The following CTNNA2 variants were observed in gnomAD, a reference collection of about 807,000 sequenced individuals.
CTNNA2 encodes catenin alpha-2.
CTNNA2 carries 42 observed loss-of-function variants against 101.0 expected under a neutral mutation model. That is an observed-to-expected ratio of 0.42 (90% CI 0.32 to 0.54). The LOEUF (loss-of-function observed/expected upper bound fraction) is 0.54, where lower values mean the gene tolerates loss of function less well. Among genes scored for constraint, CTNNA2 ranks in the 20% least tolerant of loss-of-function variants. The pLI is 0.14. For synonymous variants in CTNNA2, 450 were observed against 456.4 expected (o/e 0.99, Z 0.18); for missense variants, 871 against 1,223.1 (o/e 0.71, Z 4.29).
At chr2:79,207,780 C>G (rs1293216962) in intron 2 of CTNNA2, among the ~76,000 whole-genome samples, 2 of 152,112 alleles carry the variant, frequency 1.3e-5, no homozygotes, top group African/African-American at 4.8e-5. Flanking sequence ...ACTCTGATGG[C>G]TCCCTGATGA....
At chr2:80,432,148 T>C (rs1681594523) in intron 9 of CTNNA2, among the ~76,000 whole-genome samples, 1 of 152,188 alleles carries the variant, frequency 6.6e-6, no homozygotes, top group African/African-American at 2.4e-5. Flanking sequence ...ATTTTTTGCT[T>C]ACAGTACACC....
chr2:80,512,402 A>T (rs1688778410), intron 9 of CTNNA2, among the ~76,000 whole-genome samples: 1 of 152,130 alleles, frequency 6.6e-6, no homozygotes, highest in Admixed American at 6.5e-5. Context: ...AATGGTAATA[A>T]TTCCATGGCT....
At chr2:80,147,987 A>G (rs1703456856) in intron 7 of CTNNA2, among the ~76,000 whole-genome samples, 1 of 152,230 alleles carries the variant, frequency 6.6e-6, no homozygotes. Flanking sequence ...CTGAACAAGA[A>G]TGACATTTTA....
chr2:80,041,934 G>A (rs1696088552), intron 7 of CTNNA2, among the ~76,000 whole-genome samples: 1 of 152,180 alleles, frequency 6.6e-6, no homozygotes, highest in South Asian at 2.1e-4. Flanking sequence ...TGATAATCTA[G>A]TAGCTAGTGT....
chr2:79,610,453 A>C (rs1221581099), intron 1 of CTNNA2, among the ~76,000 whole-genome samples: 1 of 152,178 alleles, frequency 6.6e-6, no homozygotes, highest in East Asian at 1.9e-4. Flanking sequence ...AATAGCCAAT[A>C]AGTGGAAATA....
intron 2 of CTNNA2, among the ~76,000 whole-genome samples, chr2:79,706,318 A>G (rs11126741): frequency 0.56 from 82,494 of 146,576 alleles, 23,337 homozygotes; most frequent in East Asian, 0.79. Context: ...AGCCGAGATC[A>G]CGCCACTGCA....
At chr2:80,251,983 T>G (rs1219139558) in intron 7 of CTNNA2, among the ~76,000 whole-genome samples, 1 of 152,236 alleles carries the variant, frequency 6.6e-6, no homozygotes, top group Non-Finnish European at 1.5e-5. Context: ...GAAGTTGATT[T>G]AATCCACATT....
At chr2:80,637,154 C>G (rs1672970415) in intron 18 of CTNNA2, among the ~76,000 whole-genome samples, 1 of 152,028 alleles carries the variant, frequency 6.6e-6, no homozygotes, top group African/African-American at 2.4e-5. Context: ...TTTTTTAAGA[C>G]CATGTTTGGA....
chr2:79,858,571 C>T (rs1474698293), intron 4 of CTNNA2, among the ~76,000 whole-genome samples: 1 of 152,126 alleles, frequency 6.6e-6, no homozygotes, highest in Non-Finnish European at 1.5e-5. Flanking sequence ...GAGCAGCTGA[C>T]CACCTGTGCC....
intron 7 of CTNNA2, among the ~76,000 whole-genome samples, chr2:79,945,436 A>G (rs980603109): frequency 3.3e-5 from 5 of 152,176 alleles, no homozygotes; most frequent in African/African-American, 1.2e-4. Flanking sequence ...AGACTACTAT[A>G]TCTCATCACT....
At chr2:80,643,978 T>A (rs140071583) in intron 18 of CTNNA2, among the ~76,000 whole-genome samples, 1 of 152,238 alleles carries the variant, frequency 6.6e-6, no homozygotes, top group African/African-American at 2.4e-5. Flanking sequence ...AAAAGGATGT[T>A]GCCAGGTTTA....
intron 7 of CTNNA2, among the ~76,000 whole-genome samples, chr2:80,205,037 A>G (rs1272427290): frequency 6.6e-6 from 1 of 152,160 alleles, no homozygotes; most frequent in African/African-American, 2.4e-5. Context: ...ACCTGCCCCC[A>G]TAATTCAATC....
intron 9 of CTNNA2, among the ~76,000 whole-genome samples, chr2:80,458,752 T>A (rs1311131676): frequency 6.6e-6 from 1 of 152,192 alleles, no homozygotes; most frequent in African/African-American, 2.4e-5. Context: ...AGATAACAGC[T>A]AGTTCAGTGG....
At chr2:79,494,662 A>G (rs1224763731) in intron 4 of CTNNA2, among the ~76,000 whole-genome samples, 1 of 152,184 alleles carries the variant, frequency 6.6e-6, no homozygotes, top group Non-Finnish European at 1.5e-5. Context: ...GTCAAAATGG[A>G]TTATAGATAT....
chr2:80,036,536 T>C (rs1353677176), intron 7 of CTNNA2, among the ~76,000 whole-genome samples: 7 of 151,924 alleles, frequency 4.6e-5, no homozygotes, highest in Non-Finnish European at 1.0e-4. Context: ...GCCCAGAAAT[T>C]CTAGGTTGCA....
At chr2:80,608,510 C>T (rs1215302920) in intron 17 of CTNNA2, 192 bp downstream of exon 17, 4 of 483,168 alleles carry the variant, frequency 8.3e-6, no homozygotes, top group Non-Finnish European at 6.9e-6. Context: ...TTTCCAATTA[C>T]CCTGTGTTTA....
At chr2:79,999,574 G>T (rs574778566) in intron 7 of CTNNA2, among the ~76,000 whole-genome samples, 45 of 152,268 alleles carry the variant, frequency 3.0e-4, no homozygotes, top group African/African-American at 1.1e-3. Context: ...TGTGCTTGAC[G>T]CTCTTCTATA....
Position 80,303,901 on chromosome 2 carries a change from G to T in CTNNA2, c.1057-89310G>T. On this transcript the variant is annotated intron_variant, in intron 7 of 18. Transcript: ENST00000402739. The surrounding 1 kb of genome is among the most constrained non-coding windows in gnomAD (Gnocchi z 7.7). Reference sequence around the variant, plus strand: ...AATCTACATCATATTTTATTCCGAGGGAGGGGAAGCGGGGGAGGGGGAGAA... The same window carrying T: ...AATCTACATCATATTTTATTCCGAGTGAGGGGAAGCGGGGGAGGGGGAGAA... The T allele has an allele frequency of 7.0e-7, 1 of 1,422,814 alleles. No individual in the cohort carries two copies. Among genetic ancestry groups the T allele is most frequent in the Non-Finnish European group, 9.2e-7 (1 of 1,083,502 alleles). The allele number at this position is 1,422,814 out of a possible 1,614,324, so 88.1% of individuals were successfully genotyped here.
At chr2:79,439,998 TAA>T (rs1678759613) in intron 4 of CTNNA2, among the ~76,000 whole-genome samples, 1 of 152,136 alleles carries the variant, frequency 6.6e-6, no homozygotes, top group South Asian at 2.1e-4. Context: ...AAAAAATCAT[TAA>T]GTTTCATTAT....
Sources: gnomAD v4.1 joint callset for allele counts (sites outside exome capture counted in the v4.1 genomes callset) on GRCh38, gnomAD v4.1.1 for gene constraint, Gnocchi (gnomAD v3.1) non-coding constraint, MANE v1.5 for transcripts, NCBI Gene and HGNC (gene_info 2026-07-23, HGNC 2026-07-21) for gene names.